Variants in RNGTT observed in about 807,000 individuals in gnomAD.
The protein encoded by RNGTT is RNA guanylyltransferase and 5'-phosphatase, also known as mRNA-capping enzyme.
Under a neutral mutation model 79.3 loss-of-function variants are expected in RNGTT, and 33 were observed. That is an observed-to-expected ratio of 0.42 (90% CI 0.32 to 0.56). The LOEUF (loss-of-function observed/expected upper bound fraction) is 0.56. Among genes scored for constraint, RNGTT ranks in the 20% least tolerant of loss-of-function variants. RNGTT has a pLI of 0.17. For synonymous variants in RNGTT, 222 were observed against 235.9 expected, an observed-to-expected ratio of 0.94 and a Z score of 0.54; for missense variants, 497 against 739.1, an observed-to-expected ratio of 0.67 and a Z score of 3.80.
At chr6:88,772,665 G>C (rs1778729153) in intron 12 of RNGTT, among the ~76,000 whole-genome samples, 1 of 152,050 alleles carries the variant, frequency 6.6e-6, no homozygotes. Context: ...CGAAGGACAT[G>C]AACAGACACT....
intron 8 of RNGTT, among the ~76,000 whole-genome samples, chr6:88,886,509 G>C (rs1294420096): frequency 1.3e-5 from 2 of 152,140 alleles, no homozygotes; most frequent in Admixed American, 6.5e-5. Context: ...AACATTTGAG[G>C]AATCTGGTTA....
chr6:88,948,873 C>T (rs1381857442), intron 1 of RNGTT, among the ~76,000 whole-genome samples: 2 of 89,698 alleles, frequency 2.2e-5, no homozygotes, highest in African/African-American at 4.4e-5. Context: ...GGATTAAGGG[C>T]GGTGCAAGAT....
At chr6:88,781,483 G>T (rs1271203729) in intron 12 of RNGTT, among the ~76,000 whole-genome samples, 3 of 150,778 alleles carry the variant, frequency 2.0e-5, no homozygotes, top group Admixed American at 6.6e-5. Flanking sequence ...AGAAATCCTA[G>T]ACAGTAATGC....
At chr6:88,937,288 T>C (rs1277337026) in intron 2 of RNGTT, among the ~76,000 whole-genome samples, 1 of 151,746 alleles carries the variant, frequency 6.6e-6, no homozygotes, top group African/African-American at 2.4e-5. Context: ...GAGGTCACAG[T>C]GAACTGAGAT....
At chr6:88,943,509 G>A (rs775876114) in intron 1 of RNGTT, among the ~76,000 whole-genome samples, 1 of 151,780 alleles carries the variant, frequency 6.6e-6, no homozygotes, top group Non-Finnish European at 1.5e-5. Context: ...TATATAGTGG[G>A]TATGTACTAT....
At chr6:88,735,545 T>A (rs1777256419) in intron 13 of RNGTT, among the ~76,000 whole-genome samples, 1 of 143,340 alleles carries the variant, frequency 7.0e-6, no homozygotes, top group Admixed American at 7.1e-5. Flanking sequence ...TTAAACAACT[T>A]ACTTCAGAAT....
intron 2 of RNGTT, among the ~76,000 whole-genome samples, chr6:88,930,197 AACATATAT>A (rs974160570): frequency 1.4e-4 from 20 of 146,830 alleles, no homozygotes; most frequent in African/African-American, 4.2e-4. Context: ...TATATACATA[AACATATAT>A]ACATATATAC....
chr6:88,928,444 G>C (rs770753930), intron 4 of RNGTT, among the ~76,000 whole-genome samples: 11 of 152,144 alleles, frequency 7.2e-5, no homozygotes, highest in Non-Finnish European at 1.3e-4. Context: ...TATGAGCTCT[G>C]TAAGAGCAGG....
At chr6:88,662,618 G>A (rs940976731) in intron 14 of RNGTT, among the ~76,000 whole-genome samples, 3 of 152,242 alleles carry the variant, frequency 2.0e-5, no homozygotes, top group Non-Finnish European at 4.4e-5. Flanking sequence ...ACCTGGAAGC[G>A]AGGTGATTAG....
At chr6:88,771,804 T>G (rs1026950914) in intron 12 of RNGTT, among the ~76,000 whole-genome samples, 1 of 152,124 alleles carries the variant, frequency 6.6e-6, no homozygotes, top group Non-Finnish European at 1.5e-5. Flanking sequence ...TTGGTGAAAT[T>G]ATCAACGCAA....
At chr6:88,635,642 C>T (rs551017268) in intron 14 of RNGTT, among the ~76,000 whole-genome samples, 2 of 152,102 alleles carry the variant, frequency 1.3e-5, no homozygotes, top group South Asian at 2.1e-4. Flanking sequence ...GATTTATAAT[C>T]GTGGTTTCTA....
rs1771974441 is a variant in RNGTT at position 88,610,241 on chromosome 6, C to CT, written c.*2477_*2478insA. On this transcript the variant is annotated 3_prime_UTR_variant, in exon 16 of 16. Transcript: ENST00000369485. ...AGCAATAGAAGGGACACAAGAGTAT[C>CT]ACCAGTAAAACAAAGTAGATACACT... is the stretch of plus-strand genomic sequence containing the variant. 1 of 152,622 alleles carries CT rather than the reference C, an allele frequency of 6.6e-6. No homozygotes were observed. The highest frequency in any genetic ancestry group is 2.1e-4 in the South Asian group (1 of 4,820). 9.5% of individuals were successfully genotyped at this position (152,622 alleles called of 1,614,324 possible).
intron 4 of RNGTT, among the ~76,000 whole-genome samples, chr6:88,913,564 C>T (rs1379343894): frequency 2.6e-5 from 4 of 152,180 alleles, no homozygotes; most frequent in Non-Finnish European, 5.9e-5. Flanking sequence ...ATACGAAAAT[C>T]AGTAAGTGTG....
rs1403950077 is a variant in RNGTT, at chr6:88,913,219, A to C, written c.368-6779T>G. On this transcript the variant is annotated intron_variant, in intron 4 of 15. Transcript: ENST00000369485. ...AGCTCTGTCTCAAAAAAAAACAAAA[A>C]AAAAAAACAAAAAAAAAAAAGCCCT... 6.2e-5 allele frequency among the ~76,000 whole-genome samples: 9 copies of C among 145,292 alleles called. 1 individual carries two copies. The highest frequency in any genetic ancestry group is 1.1e-4 in the Non-Finnish European group (7 of 65,040).
chr6:88,752,989 T>A (rs1777889318), intron 13 of RNGTT, among the ~76,000 whole-genome samples: 1 of 152,114 alleles, frequency 6.6e-6, no homozygotes, highest in Non-Finnish European at 1.5e-5. Flanking sequence ...CTTTATATAC[T>A]CTTTGGAGAA....
At chr6:88,862,680 A>G (rs1782052060) in intron 8 of RNGTT, among the ~76,000 whole-genome samples, 1 of 152,136 alleles carries the variant, frequency 6.6e-6, no homozygotes, top group Non-Finnish European at 1.5e-5. Context: ...GGCAGTCTTG[A>G]GGACTTTACC....
At chr6:88,775,352 G>A (rs528134977) in intron 12 of RNGTT, among the ~76,000 whole-genome samples, 1 of 152,140 alleles carries the variant, frequency 6.6e-6, no homozygotes, top group East Asian at 1.9e-4. Context: ...TTCAGCCTAC[G>A]TAACTGCAAA....
chr6:88,620,275 T>C (rs943341311), intron 14 of RNGTT, among the ~76,000 whole-genome samples: 2 of 152,228 alleles, frequency 1.3e-5, no homozygotes, highest in African/African-American at 4.8e-5. Flanking sequence ...GCTATAACTC[T>C]ACCTTATTTA....
At chr6:88,695,986 G>A (rs1251838685) in intron 13 of RNGTT, among the ~76,000 whole-genome samples, 1 of 152,138 alleles carries the variant, frequency 6.6e-6, no homozygotes, top group African/African-American at 2.4e-5. Context: ...GGTTGGTGGT[G>A]ACCAAAGGTT....
Sources: gnomAD v4.1 joint callset for allele counts (sites outside exome capture counted in the v4.1 genomes callset) on GRCh38, gnomAD v4.1.1 for gene constraint, MANE v1.5 for transcripts, NCBI Gene and HGNC (gene_info 2026-07-23, HGNC 2026-07-21) for gene names.